The following CCDC97 variants were observed in gnomAD, a reference collection of about 807,000 sequenced individuals.
The protein encoded by CCDC97 is coiled-coil domain-containing protein 97.
Under a neutral mutation model 33.9 loss-of-function variants are expected in CCDC97, and 27 were observed. That is an observed-to-expected ratio of 0.80 (90% CI 0.59 to 1.10). The LOEUF (loss-of-function observed/expected upper bound fraction) is 1.10. Among genes scored for constraint, CCDC97 ranks in the 50% least tolerant of loss-of-function variants. The pLI, the probability that CCDC97 is intolerant of heterozygous loss-of-function variation, is 0.00. For missense variants in CCDC97, 422 were observed against 476.6 expected (o/e 0.89, Z 1.07); for synonymous variants, 217 against 194.0 (o/e 1.12, Z -0.99).
Position 41,321,184 on chromosome 19 carries a change from C to T in CCDC97, c.911+714C>T, listed in dbSNP as rs182783993. Among the ~76,000 whole-genome samples, 317 of 152,328 alleles carry T rather than the reference C, an allele frequency of 2.1e-3. 2 individuals are homozygous for T. The highest frequency in any genetic ancestry group is 3.4e-3 in the Middle Eastern group (1 of 294). ...AAGTGGGAATTGTGATTGCCCCTGCCGTGGGGCCCAGCCATGGTCACCAGA... is the reference window on the plus strand; with the variant it reads ...AAGTGGGAATTGTGATTGCCCCTGCTGTGGGGCCCAGCCATGGTCACCAGA... On this transcript the variant is annotated intron_variant, in intron 4 of 4. Coordinates refer to ENST00000269967, the MANE Select transcript of CCDC97 (RefSeq NM_052848.3).
intron 1 of CCDC97, among the ~76,000 whole-genome samples, chr19:41,313,211 C>G (rs2037707179): frequency 6.6e-6 from 1 of 152,168 alleles, no homozygotes; most frequent in African/African-American, 2.4e-5. Flanking sequence ...TCATCCCTCT[C>G]CCACTCCCCT....
rs2037855549 is a variant in CCDC97, at chr19:41,323,970, C to G, written c.*1255C>G. On this transcript the variant is annotated 3_prime_UTR_variant, in exon 5 of 5. Coordinates refer to ENST00000269967, the MANE Select transcript of CCDC97 (RefSeq NM_052848.3). ...GAGGGGGCACACAGGGCAAGGGTCACCAAGTCGGGGCCTAGGGACTCCTCA... is the reference window on the plus strand; with the variant it reads ...GAGGGGGCACACAGGGCAAGGGTCAGCAAGTCGGGGCCTAGGGACTCCTCA... 1.3e-5 allele frequency: 2 copies of G among 152,634 alleles called. No individual in the cohort carries two copies. Among genetic ancestry groups the G allele is most frequent in the Non-Finnish European group, 2.9e-5 (2 of 68,168 alleles). 9.5% of individuals were successfully genotyped at this position (152,634 alleles called of 1,614,324 possible).
chr19:41,320,319 C>T (rs1434458979), intron 3 of CCDC97, 22 bp from the exon 4 acceptor site: 12 of 1,612,964 alleles, frequency 7.4e-6, no homozygotes, highest in Non-Finnish European at 1.0e-5. Context: ...GCATTCACAC[C>T]CCCTCTCCTC....
chr19:41,319,892 C>T (rs1430893998), intron 3 of CCDC97, 40 bp downstream of exon 3: 2 of 986,836 alleles, frequency 2.0e-6, no homozygotes, highest in East Asian at 5.2e-5. Context: ...TTCCAGACAC[C>T]CCAGCCCTAG....
chr19:41,319,418 G>C (rs2037789600), intron 2 of CCDC97, among the ~76,000 whole-genome samples, 156 bp from the exon 3 acceptor site: 2 of 152,226 alleles, frequency 1.3e-5, no homozygotes, highest in Non-Finnish European at 2.9e-5. Flanking sequence ...GCGCACCTCA[G>C]GTGCCTGCAT....
At chr19:41,315,216 T>A (rs2037730801) in intron 1 of CCDC97, among the ~76,000 whole-genome samples, 1 of 146,174 alleles carries the variant, frequency 6.8e-6, no homozygotes, top group Non-Finnish European at 1.5e-5. Flanking sequence ...AGAGAATTGC[T>A]TGAACCTGAG....
At chr19:41,313,313 T>C (rs1382635243) in intron 1 of CCDC97, among the ~76,000 whole-genome samples, 2 of 152,156 alleles carry the variant, frequency 1.3e-5, no homozygotes, top group Non-Finnish European at 2.9e-5. Context: ...CAGCCCAACA[T>C]TTCTCTCCTG....
intron 2 of CCDC97, among the ~76,000 whole-genome samples, 160 bp from the exon 3 acceptor site, chr19:41,319,414 C>T (rs1328575641): frequency 6.6e-6 from 1 of 152,234 alleles, no homozygotes; most frequent in Non-Finnish European, 1.5e-5. Flanking sequence ...TCACGCGCAC[C>T]TCAGGTGCCT....
chr19:41,320,282 G>C (rs1400793366), intron 3 of CCDC97, 59 bp from the exon 4 acceptor site: 2 of 1,604,786 alleles, frequency 1.2e-6, no homozygotes, highest in African/African-American at 2.7e-5. Flanking sequence ...TGTGGACTCT[G>C]TGCTCAGTGC....
chr19:41,320,707 C>CATAT (rs1185266874), intron 4 of CCDC97: 35 of 498,478 alleles, frequency 7.0e-5, no homozygotes, highest in Non-Finnish European at 1.1e-4. Flanking sequence ...ACAGGGATGA[C>CATAT]ATATAGCTCA....
At position 41,316,462 on chromosome 19, in the gene CCDC97, A is replaced by G. The variant is rs778241651; in HGVS notation, c.125A>G (p.Glu42Gly). 2 of 1,614,202 alleles carry G rather than the reference A, an allele frequency of 1.2e-6. No individual in the cohort carries two copies. The highest frequency in any genetic ancestry group is 1.1e-5 in the South Asian group (1 of 91,082). Reference sequence around the variant, plus strand: ...CCATCTAAACCCCAGGACAAAGTGGAAGCAGCTGAGGCAACACCAGTGGCC... The same window carrying G: ...CCATCTAAACCCCAGGACAAAGTGGGAGCAGCTGAGGCAACACCAGTGGCC... ...PVPSKPQDKV[E>G]AAEATPVALD... Residue 42 changes from glutamate (E) to glycine (G), a missense_variant, in exon 2 of 5, where the codon GAA (glutamate) becomes GGA (glycine). Coordinates refer to ENST00000269967, the MANE Select transcript of CCDC97 (RefSeq NM_052848.3).
At chr19:41,314,369 C>T (rs1260440774) in intron 1 of CCDC97, among the ~76,000 whole-genome samples, 4 of 151,932 alleles carry the variant, frequency 2.6e-5, no homozygotes, top group African/African-American at 7.3e-5. Flanking sequence ...CTTGAAATCC[C>T]GACCTCAGGT....
rs761146601 is a variant in CCDC97, at chr19:41,323,125, G to A, written c.*410G>A. 6.1e-6 allele frequency: 1 copy of A among 163,880 alleles called. No homozygotes were observed. Among genetic ancestry groups the A allele is most frequent in the Non-Finnish European group, 1.3e-5 (1 of 74,672 alleles). 10.2% of individuals were successfully genotyped at this position (163,880 alleles called of 1,614,324 possible). On this transcript the variant is annotated 3_prime_UTR_variant, in exon 5 of 5. Coordinates refer to ENST00000269967, the MANE Select transcript of CCDC97 (RefSeq NM_052848.3). Reference sequence around the variant, plus strand: ...GTCCTCCCCTTGCCGGAGGCCAGCTGGCAGGGCCTTTCGTGGCTGGAAGTG... The same window carrying A: ...GTCCTCCCCTTGCCGGAGGCCAGCTAGCAGGGCCTTTCGTGGCTGGAAGTG...
At chr19:41,316,360 C>G in intron 1 of CCDC97, 24 bp from the exon 2 acceptor site, 2 of 1,589,254 alleles carry the variant, frequency 1.3e-6, no homozygotes, top group Non-Finnish European at 1.7e-6. Context: ...CATCTCTGAA[C>G]TAACCAATCT....
chr19:41,323,614 C>CA lies in CCDC97; in HGVS notation c.*899_*900insA. On this transcript the variant is annotated 3_prime_UTR_variant, in exon 5 of 5. Coordinates refer to ENST00000269967, the MANE Select transcript of CCDC97 (RefSeq NM_052848.3). The stretch of plus-strand genomic sequence containing the variant: ...TAGAGGGAGGGGGGACTCTACCCTT[C>CA]TCAGCCCCACCAGCCCCCCTCTGCC... 1 of 150,244 alleles carries CA rather than the reference C, an allele frequency of 6.7e-6. No homozygotes were observed. The allele number at this position is 150,244 out of a possible 1,614,324, so 9.3% of individuals were successfully genotyped here.
At chr19:41,310,464 C>T in intron 1 of CCDC97, 108 bp downstream of exon 1, 1 of 1,518,032 alleles carries the variant, frequency 6.6e-7, no homozygotes, top group Non-Finnish European at 8.8e-7. Context: ...GGACACCCAC[C>T]CCCCTCAGCT....
intron 2 of CCDC97, among the ~76,000 whole-genome samples, chr19:41,318,006 A>G (rs958282650): frequency 1.9e-4 from 29 of 150,444 alleles, no homozygotes; most frequent in Non-Finnish European, 3.4e-4. Context: ...AAAAAAAAAA[A>G]AAGAAGAAAG....
chr19:41,321,173 A>C (rs2037820973), intron 4 of CCDC97, among the ~76,000 whole-genome samples: 1 of 152,154 alleles, frequency 6.6e-6, no homozygotes, highest in Admixed American at 6.5e-5. Flanking sequence ...GGGAATTGTG[A>C]TTGCCCCTGC....
At chr19:41,318,320 CAGGTGCCTATAA>C (rs1197217544) in intron 2 of CCDC97, among the ~76,000 whole-genome samples, 1 of 152,168 alleles carries the variant, frequency 6.6e-6, no homozygotes, top group East Asian at 1.9e-4. Flanking sequence ...GGCACTGTGG[CAGGTGCCTATAA>C]TCCCAGCTAC....
Sources: gnomAD v4.1 joint callset for allele counts (sites outside exome capture counted in the v4.1 genomes callset) on GRCh38, gnomAD v4.1.1 for gene constraint, MANE v1.5 for transcripts, NCBI Gene and HGNC (gene_info 2026-07-23, HGNC 2026-07-21) for gene names.